ATP10B: variants seen among roughly 807,000 people sequenced by gnomAD.
ATP10B encodes the protein phospholipid-transporting ATPase VB.
Under a neutral mutation model 141.2 loss-of-function variants are expected in ATP10B, and 122 were observed. That is an observed-to-expected ratio of 0.86 (90% CI 0.75 to 1.00). The LOEUF is 1.00. ATP10B is among the 50% of genes least tolerant of loss of function. The pLI, the probability that ATP10B is intolerant of heterozygous loss-of-function variation, is 0.00. For missense variants in ATP10B, 1,876 were observed against 1,825.3 expected, an observed-to-expected ratio of 1.03 and a Z score of -0.51; for synonymous variants, 685 against 692.0, an observed-to-expected ratio of 0.99 and a Z score of 0.16.
intron 2 of ATP10B, among the ~76,000 whole-genome samples, chr5:160,731,543 T>C (rs1766739964): frequency 6.6e-6 from 1 of 152,170 alleles, no homozygotes; most frequent in Admixed American, 6.6e-5. Flanking sequence ...GTGTGGAGAA[T>C]GGGAGTTGTA....
At chr5:160,853,400 TGGA>T (rs1288645154), upstream of ATP10B, among the ~76,000 whole-genome samples, 3 of 152,160 alleles carry the variant, frequency 2.0e-5, no homozygotes, top group Non-Finnish European at 4.4e-5. Context: ...CCTTGTGCCA[TGGA>T]GGAGAATGCT....
the ATP10B span, among the ~76,000 whole-genome samples, chr5:160,922,384 C>T: frequency 6.6e-6 from 1 of 152,192 alleles, no homozygotes; most frequent in Admixed American, 6.5e-5. Context: ...AGCACTGGGC[C>T]TGCCACGTTG....
chr5:160,666,001 C>T (rs988215531), intron 7 of ATP10B, among the ~76,000 whole-genome samples: 1 of 152,076 alleles, frequency 6.6e-6, no homozygotes, highest in African/African-American at 2.4e-5. Flanking sequence ...TCTTTCAGTG[C>T]CTCAGAGGTT....
chr5:160,776,698 A>G (rs1227564958), intron 2 of ATP10B, among the ~76,000 whole-genome samples: 1 of 151,894 alleles, frequency 6.6e-6, no homozygotes, highest in Non-Finnish European at 1.5e-5. Context: ...TTTTGTTATT[A>G]ATAAGTTTTT....
At chr5:160,693,403 A>AACAC (rs3075585) in intron 3 of ATP10B, among the ~76,000 whole-genome samples, 14,011 of 125,436 alleles carry the variant, frequency 0.11, 840 homozygotes, top group East Asian at 0.16. Flanking sequence ...TGGGTCAGAA[A>AACAC]ACACACACAC....
chr5:160,619,580 G>T (rs1758207676), intron 15 of ATP10B, among the ~76,000 whole-genome samples: 1 of 152,144 alleles, frequency 6.6e-6, no homozygotes, highest in Non-Finnish European at 1.5e-5. Context: ...TGATAATGCA[G>T]GAGGCACAGG....
chr5:160,615,584 G>A (rs1023647655), intron 17 of ATP10B, among the ~76,000 whole-genome samples: 2 of 151,840 alleles, frequency 1.3e-5, no homozygotes, highest in African/African-American at 4.8e-5. Flanking sequence ...AGAGTGTGCT[G>A]TTGGAAAAGC....
intron 1 of ATP10B, among the ~76,000 whole-genome samples, chr5:160,817,109 C>T (rs1268835099): frequency 2.0e-5 from 3 of 152,184 alleles, no homozygotes; most frequent in Non-Finnish European, 2.9e-5. Flanking sequence ...GGGATGCCCT[C>T]TCTCACCACT....
the ATP10B span, among the ~76,000 whole-genome samples, chr5:160,908,264 C>G: frequency 1.3e-5 from 2 of 152,204 alleles, no homozygotes; most frequent in Non-Finnish European, 2.9e-5. Flanking sequence ...GCCTGGTTCT[C>G]TCTCAATTTT....
intron 1 of ATP10B, among the ~76,000 whole-genome samples, chr5:160,792,586 C>T (rs532320091): frequency 6.6e-6 from 1 of 152,132 alleles, no homozygotes; most frequent in Non-Finnish European, 1.5e-5. Context: ...GTACAGCAGT[C>T]ACCTTGGACC....
chr5:160,787,516 A>C (rs1339631364), intron 1 of ATP10B, among the ~76,000 whole-genome samples: 1 of 152,178 alleles, frequency 6.6e-6, no homozygotes, highest in East Asian at 1.9e-4. Context: ...CAGTTCCTCC[A>C]TAAATAAAAT....
intron 10 of ATP10B, 149 bp downstream of exon 10, chr5:160,640,312 T>A: frequency 1.3e-6 from 1 of 792,388 alleles, no homozygotes; most frequent in Non-Finnish European, 1.9e-6. Flanking sequence ...GGAGATTTTC[T>A]CTTGCATTTT....
the ATP10B span, among the ~76,000 whole-genome samples, chr5:160,902,833 GAT>G: frequency 2.0e-5 from 3 of 152,180 alleles, no homozygotes; most frequent in African/African-American, 7.2e-5. Context: ...ATTAGTAAGT[GAT>G]AGAGAAAACA....
chr5:160,875,444 T>A, the ATP10B span, among the ~76,000 whole-genome samples: 4 of 112,688 alleles, frequency 3.5e-5, no homozygotes, highest in African/African-American at 5.4e-5. Context: ...CAAAATGTAA[T>A]GACCATCGAG....
intron 24 of ATP10B, among the ~76,000 whole-genome samples, chr5:160,570,236 G>A (rs916517549): frequency 2.7e-5 from 4 of 150,820 alleles, no homozygotes; most frequent in Non-Finnish European, 5.9e-5. Flanking sequence ...GTAATAATTT[G>A]GTATATTCAT....
intron 6 of ATP10B, 77 bp from the exon 7 acceptor site, chr5:160,670,744 C>T: frequency 3.8e-6 from 5 of 1,309,142 alleles, no homozygotes; most frequent in Non-Finnish European, 5.4e-6. Context: ...GAGGAAGGTC[C>T]CACCAGCACC....
intron 1 of ATP10B, among the ~76,000 whole-genome samples, chr5:160,790,815 G>A (rs574428925): frequency 8.4e-4 from 128 of 152,276 alleles, no homozygotes; most frequent in African/African-American, 2.9e-3. Context: ...GTGGAATTAA[G>A]GTTACAGAGT....
chr5:160,643,486 C>T (rs942837192), intron 9 of ATP10B, among the ~76,000 whole-genome samples: 2 of 152,212 alleles, frequency 1.3e-5, no homozygotes, highest in African/African-American at 4.8e-5. Flanking sequence ...ACTAGAGATA[C>T]AGCAGCTCCA....
rs368224085 is a variant in ATP10B, at chr5:160,672,894, G to C, written c.471-2227C>G. Among the ~76,000 whole-genome samples, 3 of 152,310 alleles carry C rather than the reference G, an allele frequency of 2.0e-5. No homozygotes were observed. In the East Asian group the frequency reaches 5.8e-4, roughly 29 times the overall value. ...AGGCCCTCTGGAGAATCTCAGACAA[G>C]TCTTCCTAAGATCCAATCTTCCTGG... On this transcript the variant is annotated intron_variant, in intron 6 of 25. Transcript: ENST00000327245.
Sources: gnomAD v4.1 joint callset for allele counts (sites outside exome capture counted in the v4.1 genomes callset) on GRCh38, gnomAD v4.1.1 for gene constraint, MANE v1.5 for transcripts, NCBI Gene and HGNC (gene_info 2026-07-23, HGNC 2026-07-21) for gene names.